Variants in HNRNPLL observed in about 807,000 individuals in gnomAD.
The protein encoded by HNRNPLL is heterogeneous nuclear ribonucleoprotein L-like.
HNRNPLL carries 25 observed loss-of-function variants against 67.1 expected under a neutral mutation model. That is an observed-to-expected ratio of 0.37 (90% CI 0.27 to 0.52). HNRNPLL has a LOEUF of 0.52. HNRNPLL is among the 20% of genes least tolerant of loss of function. The probability of loss-of-function intolerance (pLI) is 0.90; values close to 1 mark genes in which losing one functional copy is unlikely to be tolerated. For synonymous variants in HNRNPLL, 267 were observed against 241.7 expected (o/e 1.10, Z -0.97); for missense variants, 542 against 673.9 (o/e 0.80, Z 2.17).
intron 6 of HNRNPLL, among the ~76,000 whole-genome samples, chr2:38,579,407 A>C (rs535609618): frequency 2.6e-5 from 4 of 151,958 alleles, no homozygotes; most frequent in African/African-American, 7.2e-5. Context: ...CTTAAAGTAT[A>C]ATAATAATAA....
intron 2 of HNRNPLL, among the ~76,000 whole-genome samples, chr2:38,590,845 A>T (rs966311485): frequency 3.9e-5 from 6 of 152,194 alleles, no homozygotes; most frequent in African/African-American, 1.2e-4. Context: ...TCTACAAAAA[A>T]TTTTTTTAAA....
At chr2:38,600,555 C>T (rs1667387322) in intron 1 of HNRNPLL, among the ~76,000 whole-genome samples, 1 of 151,982 alleles carries the variant, frequency 6.6e-6, no homozygotes, top group Admixed American at 6.6e-5. Context: ...TGGTGAAACC[C>T]CTTCTCTACA....
intron 7 of HNRNPLL, among the ~76,000 whole-genome samples, chr2:38,574,912 A>T (rs961015443): frequency 6.6e-6 from 1 of 151,898 alleles, no homozygotes; most frequent in African/African-American, 2.4e-5. Flanking sequence ...AATATCAATT[A>T]TTCTTATTCC....
In HNRNPLL at chr2:38,563,255, T is replaced by C. The variant is rs1452658471; in HGVS notation, c.*927A>G. 1 of 151,862 alleles carries C rather than the reference T, an allele frequency of 6.6e-6. No individual in the cohort carries two copies. Among genetic ancestry groups the C allele is most frequent in the Non-Finnish European group, 1.5e-5 (1 of 67,886 alleles). 9.4% of individuals were successfully genotyped at this position (151,862 alleles called of 1,614,324 possible). ...CTATCTGTTTGGAATAAAAATAAAA[T>C]TAGATCCTTAAATCTTGTACCATAT... On this transcript the variant is annotated 3_prime_UTR_variant, in exon 13 of 13. Coordinates refer to ENST00000449105, the MANE Select transcript of HNRNPLL (RefSeq NM_138394.4).
At chr2:38,576,131 C>G (rs1666292117) in intron 7 of HNRNPLL, among the ~76,000 whole-genome samples, 1 of 151,724 alleles carries the variant, frequency 6.6e-6, no homozygotes, top group Non-Finnish European at 1.5e-5. Flanking sequence ...CAGACTTACA[C>G]TAAGAAAAAA....
intron 9 of HNRNPLL, 70 bp downstream of exon 9, chr2:38,569,734 A>C (rs1190269813): frequency 3.9e-6 from 3 of 776,734 alleles, no homozygotes; most frequent in Non-Finnish European, 5.9e-6. Flanking sequence ...GTTGACATTA[A>C]TGTCTCTAAT....
At position 38,573,438 on chromosome 2, in the gene HNRNPLL, G is replaced by C. The variant is rs768478532; in HGVS notation, c.875-11C>G. ...ATGGACCATGGGATCCTATAAAAAT[G>C]ATCAAAATAAATAAATTAGTTAACA... On this transcript the variant is annotated splice_polypyrimidine_tract_variant and intron_variant, in intron 7 of 12. Coordinates refer to ENST00000449105, the MANE Select transcript of HNRNPLL (RefSeq NM_138394.4). 5.8e-6 allele frequency: 9 copies of C among 1,555,386 alleles called. No homozygotes were observed. Among genetic ancestry groups the C allele is most frequent in the Non-Finnish European group, 4.4e-6 (5 of 1,133,756 alleles).
At position 38,589,507 on chromosome 2, in the gene HNRNPLL, T is replaced by G. The variant is rs543258026; in HGVS notation, c.308+2023A>C. Reference sequence around the variant, plus strand: ...TCCTATTACACCTATTTATGCCAATTAAGCTCTTAATTACACACTAATTTG... The same window carrying G: ...TCCTATTACACCTATTTATGCCAATGAAGCTCTTAATTACACACTAATTTG... On this transcript the variant is annotated intron_variant, in intron 2 of 12. Coordinates refer to ENST00000449105, the MANE Select transcript of HNRNPLL (RefSeq NM_138394.4). Among the ~76,000 whole-genome samples, 48 of 152,318 alleles carry G rather than the reference T, an allele frequency of 3.2e-4. No individual in the cohort carries two copies. In the South Asian group the frequency reaches 4.1e-3, roughly 13 times the overall value.
chr2:38,567,140 G>T (rs1665893227), intron 12 of HNRNPLL, among the ~76,000 whole-genome samples: 1 of 152,108 alleles, frequency 6.6e-6, no homozygotes, highest in Non-Finnish European at 1.5e-5. Flanking sequence ...GTCTTGCTCT[G>T]TTGCCCAGGC....
At chr2:38,588,673 A>C (rs1666833261) in intron 2 of HNRNPLL, among the ~76,000 whole-genome samples, 1 of 152,114 alleles carries the variant, frequency 6.6e-6, no homozygotes. Flanking sequence ...TACTGCCAAT[A>C]TTCAATATAA....
In HNRNPLL at chr2:38,576,387, A is replaced by T. The variant is rs953520276; in HGVS notation, c.874+1074T>A. 3.3e-5 allele frequency among the ~76,000 whole-genome samples: 5 copies of T among 151,914 alleles called. No individual in the cohort carries two copies. In the South Asian group the frequency reaches 1.0e-3, roughly 31 times the overall value. On this transcript the variant is annotated intron_variant, in intron 7 of 12. Transcript: ENST00000449105. The stretch of plus-strand genomic sequence containing the variant: ...ACCCATACAACCATGTTTAATGTTT[A>T]CTCTGTTACAGGAATAACTAAGAAA...
chr2:38,602,779 C>T lies in HNRNPLL; in HGVS notation c.-153G>A. 6.5e-7 allele frequency: 1 copy of T among 1,529,738 alleles called. No homozygotes were observed. The highest frequency in any genetic ancestry group is 1.2e-5 in the South Asian group (1 of 82,050). 94.8% of individuals were successfully genotyped at this position (1,529,738 alleles called of 1,614,324 possible). A position where few individuals can be genotyped will look rare whatever the true frequency, so the allele number is the denominator to read the frequency against. ...CCGCGGGGACTGCGCGGCCAGGAGA[C>T]TGGCGGCTGAGAAGCGCGGACGGAC... is the stretch of plus-strand genomic sequence containing the variant. On this transcript the variant is annotated 5_prime_UTR_variant, in exon 1 of 13. Transcript: ENST00000449105.
rs1301739808 is a variant in HNRNPLL, at chr2:38,602,433, G to A, written c.189+5C>T. 6 of 1,540,298 alleles carry A rather than the reference G, an allele frequency of 3.9e-6. No individual in the cohort carries two copies. The highest frequency in any genetic ancestry group is 5.2e-6 in the Non-Finnish European group (6 of 1,150,192). ...ACAGCGGACAGGGGGGCCGCGCTTT[G>A]TTACCGGCTGAGAGAAGCTCCGGCC... On this transcript the variant is annotated splice_donor_5th_base_variant and intron_variant, in intron 1 of 12. Transcript: ENST00000449105.
chr2:38,595,108 G>A (rs544009741), intron 1 of HNRNPLL, among the ~76,000 whole-genome samples: 2 of 149,920 alleles, frequency 1.3e-5, no homozygotes, highest in East Asian at 2.0e-4. Context: ...GCAAAACCCC[G>A]TCTTTAGCAA....
At chr2:38,597,122 T>C (rs1661052664) in intron 1 of HNRNPLL, among the ~76,000 whole-genome samples, 1 of 152,238 alleles carries the variant, frequency 6.6e-6, no homozygotes, top group East Asian at 1.9e-4. Context: ...GACTAAACTC[T>C]ACTGAAGAGA....
intron 12 of HNRNPLL, chr2:38,566,142 G>T: frequency 3.2e-6 from 3 of 949,596 alleles, no homozygotes; most frequent in Non-Finnish European, 3.8e-6. Context: ...GCGGAGGTGG[G>T]CAGATCATGA....
chr2:38,566,851 A>G lies in HNRNPLL; in HGVS notation c.1573+1348T>C, dbSNP rs553843340. On this transcript the variant is annotated intron_variant, in intron 12 of 12. Coordinates refer to ENST00000449105, the MANE Select transcript of HNRNPLL (RefSeq NM_138394.4). ...AAAAAAAAAATTAAAAATAAAAAAAAATTTAAAAATAAAAAAGTGCAACTA... is the reference window on the plus strand; with the variant it reads ...AAAAAAAAAATTAAAAATAAAAAAAGATTTAAAAATAAAAAAGTGCAACTA... 2.0e-5 allele frequency among the ~76,000 whole-genome samples: 3 copies of G among 151,608 alleles called. No homozygotes were observed. The South Asian group carries it at 6.2e-4, about 31-fold the overall frequency.
At chr2:38,595,389 A>G (rs1313646035) in intron 1 of HNRNPLL, among the ~76,000 whole-genome samples, 1 of 151,776 alleles carries the variant, frequency 6.6e-6, no homozygotes, top group Non-Finnish European at 1.5e-5. Flanking sequence ...TCATGAGTAT[A>G]GTGCTAAAAA....
chr2:38,569,402 AT>A, intron 9 of HNRNPLL, 68 bp from the exon 10 acceptor site: 2 of 1,100,448 alleles, frequency 1.8e-6, no homozygotes. Flanking sequence ...TAGTCTCAGA[AT>A]GCTAATATAT....
Sources: gnomAD v4.1 joint callset for allele counts (sites outside exome capture counted in the v4.1 genomes callset) on GRCh38, gnomAD v4.1.1 for gene constraint, MANE v1.5 for transcripts, NCBI Gene and HGNC (gene_info 2026-07-23, HGNC 2026-07-21) for gene names.